Variants in ZBTB49 observed in about 807,000 individuals in gnomAD.
ZBTB49 encodes zinc finger and BTB domain containing 49.
A neutral mutation model predicts 57.5 loss-of-function variants in ZBTB49; 43 were observed. The ratio of observed to expected loss-of-function variants is 0.75; its 90% CI spans 0.59 to 0.97. ZBTB49 has a LOEUF of 0.97. Among genes scored for constraint, ZBTB49 ranks in the 50% least tolerant of loss-of-function variants. The pLI, the probability that ZBTB49 is intolerant of heterozygous loss-of-function variation, is 0.00. For synonymous variants in ZBTB49, 369 were observed against 362.1 expected (o/e 1.02, Z -0.22); for missense variants, 938 against 947.7 (o/e 0.99, Z 0.13).
At chr4:4,314,436 A>C (rs189478719) in intron 5 of ZBTB49, among the ~76,000 whole-genome samples, 347 of 152,316 alleles carry the variant, frequency 2.3e-3, no homozygotes, top group African/African-American at 8.2e-3. Flanking sequence ...AAGTGGCTGA[A>C]TCTCGGCTCA....
At chr4:4,310,592 C>G (rs888756289) in intron 4 of ZBTB49, among the ~76,000 whole-genome samples, 1 of 150,460 alleles carries the variant, frequency 6.6e-6, no homozygotes, top group Non-Finnish European at 1.5e-5. Context: ...TCACTGCAAG[C>G]TCCACCTCCT....
intron 1 of ZBTB49, among the ~76,000 whole-genome samples, chr4:4,295,822 A>C (rs941126931): frequency 1.3e-5 from 2 of 152,200 alleles, no homozygotes; most frequent in Non-Finnish European, 2.9e-5. Context: ...CTTTCCATAA[A>C]GAGATGAGGG....
chr4:4,300,893 G>A (rs1239093670), intron 2 of ZBTB49, among the ~76,000 whole-genome samples: 1 of 149,178 alleles, frequency 6.7e-6, no homozygotes, highest in African/African-American at 2.5e-5. Context: ...AGTACTTTTT[G>A]TTTCCAAAAT....
Position 4,302,263 on chromosome 4 carries a change from G to C in ZBTB49, c.427G>C (p.Asp143His). 6.2e-7 allele frequency: 1 copy of C among 1,614,196 alleles called. No homozygotes were observed. The highest frequency in any genetic ancestry group is 8.5e-7 in the Non-Finnish European group (1 of 1,180,016). Reference sequence around the variant, plus strand: ...GTCTCTACAAAGCACCCTGACCCCAGATGCCACTTGTGTTATCAGTGAAAA... The same window carrying C: ...GTCTCTACAAAGCACCCTGACCCCACATGCCACTTGTGTTATCAGTGAAAA... The part of the protein sequence containing the change: ...TLSLQSTLTP[D>H]ATCVISENYP... Residue 143 changes from aspartate to histidine, a missense_variant, in exon 3 of 8, where the codon GAT becomes CAT. By Grantham distance (81) the Asp-to-His change is moderately conservative (BLOSUM62 -1). This residue lies in a region of ZBTB49 where 835 missense variants were observed against 819.1 expected (regional missense o/e 1.02). Coordinates refer to ENST00000337872, the MANE Select transcript of ZBTB49 (RefSeq NM_145291.4).
chr4:4,302,452 C>T lies in ZBTB49; in HGVS notation c.616C>T (p.Pro206Ser). Residue 206 changes from proline (P) to serine (S), a missense_variant, in exon 3 of 8, where the codon CCT (proline) becomes TCT (serine). By Grantham distance (74) the Pro-to-Ser change is moderately conservative. This residue lies in a region of ZBTB49 where 835 missense variants were observed against 819.1 expected (regional missense o/e 1.02). Coordinates refer to ENST00000337872, the MANE Select transcript of ZBTB49 (RefSeq NM_145291.4). ...DTSDGSCTEL[P>S]FKQPNYYYKL... ...TTCAGATGGCAGCTGCACAGAACTG[C>T]CTTTCAAACAGCCAAATTACTATTA... The T allele has an allele frequency of 6.2e-7, 1 of 1,614,206 alleles. No individual in the cohort carries two copies.
intron 2 of ZBTB49, 146 bp downstream of exon 2, chr4:4,300,243 T>A (rs1720417090): frequency 6.8e-6 from 6 of 888,298 alleles, no homozygotes; most frequent in Non-Finnish European, 9.5e-6. Context: ...TTTTAATTTT[T>A]AAGTTTGTTA....
In ZBTB49 at chr4:4,303,025, TG is replaced by T. The variant is rs747485254; in HGVS notation, c.1190del (p.Cys397LeufsTer98). On this transcript the variant is annotated frameshift_variant, in exon 3 of 8. Transcript: ENST00000337872. LOFTEE classifies it high-confidence loss of function. ...QTLQSQRQYACELCGKPFKHP... is the reference protein window; with the variant it reads ...QTLQSQRQYAXELCGKPFKHP... ...ACTTCAGTCCCAGAGACAATACGCG[TG>T]TGAATTATGCGGGAAACCTTTTAAA... The T allele has an allele frequency of 1.9e-5, 30 of 1,613,842 alleles. No homozygotes were observed. Among genetic ancestry groups the T allele is most frequent in the Non-Finnish European group, 2.5e-5 (30 of 1,179,936 alleles).
At chr4:4,318,068 C>T (rs921487706) in intron 7 of ZBTB49, among the ~76,000 whole-genome samples, 8 of 152,070 alleles carry the variant, frequency 5.3e-5, no homozygotes, top group Admixed American at 2.0e-4. Context: ...GGCGCCCACC[C>T]GCCTGTCCCC....
At chr4:4,301,887 CAGA>C (rs1413286630) in intron 2 of ZBTB49, 99 bp from the exon 3 acceptor site, 3 of 1,172,948 alleles carry the variant, frequency 2.6e-6, no homozygotes, top group Non-Finnish European at 3.3e-6. Context: ...TTGACATTCA[CAGA>C]AGGATAGTAT....
intron 2 of ZBTB49, among the ~76,000 whole-genome samples, chr4:4,300,926 T>C (rs996677171): frequency 1.3e-5 from 2 of 152,208 alleles, no homozygotes; most frequent in African/African-American, 4.8e-5. Flanking sequence ...ACTGCTCTAG[T>C]AGACAACGTG....
At chr4:4,307,521 T>C (rs1329756613) in intron 4 of ZBTB49, among the ~76,000 whole-genome samples, 2 of 152,078 alleles carry the variant, frequency 1.3e-5, no homozygotes, top group African/African-American at 2.4e-5. Flanking sequence ...CCTCATAGAG[T>C]GTGAGGAGTA....
chr4:4,307,374 C>G (rs1052200623), intron 4 of ZBTB49, among the ~76,000 whole-genome samples: 17 of 152,218 alleles, frequency 1.1e-4, no homozygotes, highest in African/African-American at 4.1e-4. Flanking sequence ...GGGTTCAGAG[C>G]TTGGCCTCTG....
rs188247296 is a variant in ZBTB49 at position 4,294,548 on chromosome 4, T to G, written c.-20+4196T>G. 7.6e-3 allele frequency among the ~76,000 whole-genome samples: 1,161 copies of G among 152,148 alleles called. 11 individuals carry two copies. The highest frequency in any genetic ancestry group is 0.01 in the Non-Finnish European group (700 of 67,974). ...ATTTTTGTATTTTTAGTGGAGATGG[T>G]TTCTTCGTGTTGGCTAGACTGGTCT... is the stretch of plus-strand genomic sequence containing the variant. On this transcript the variant is annotated intron_variant, in intron 1 of 7. Coordinates refer to ENST00000337872, the MANE Select transcript of ZBTB49 (RefSeq NM_145291.4).
At chr4:4,296,411 C>G (rs577182678) in intron 1 of ZBTB49, among the ~76,000 whole-genome samples, 31 of 152,296 alleles carry the variant, frequency 2.0e-4, no homozygotes, top group South Asian at 1.5e-3. Flanking sequence ...GGGGGTGGGT[C>G]TTTCCCACGC....
chr4:4,314,028 A>G (rs16835568), intron 5 of ZBTB49, among the ~76,000 whole-genome samples: 2,137 of 152,342 alleles, frequency 0.014, 40 homozygotes, highest in African/African-American at 0.048. Flanking sequence ...GTCAGTTAGA[A>G]GTCAGTGTCC....
At chr4:4,292,191 G>C in intron 1 of ZBTB49, among the ~76,000 whole-genome samples, 1 of 152,160 alleles carries the variant, frequency 6.6e-6, no homozygotes, top group Non-Finnish European at 1.5e-5. Flanking sequence ...TGAGGCAGAA[G>C]AATCGCTTGA....
At chr4:4,298,306 G>C (rs563506534) in intron 1 of ZBTB49, among the ~76,000 whole-genome samples, 5 of 152,236 alleles carry the variant, frequency 3.3e-5, no homozygotes, top group Non-Finnish European at 5.9e-5. Context: ...AGAAGTAAGG[G>C]GTGTGTTGAA....
chr4:4,297,361 C>T (rs6848777), intron 1 of ZBTB49, among the ~76,000 whole-genome samples: 10,472 of 152,232 alleles, frequency 0.069, 930 homozygotes, highest in East Asian at 0.32. Flanking sequence ...TGAGCCACTG[C>T]GCCCGACTGG....
intron 1 of ZBTB49, among the ~76,000 whole-genome samples, chr4:4,291,801 C>G (rs1719940110): frequency 6.6e-6 from 1 of 152,216 alleles, no homozygotes; most frequent in Non-Finnish European, 1.5e-5. Flanking sequence ...CCCTGACCCT[C>G]CCTCCCAAAT....
Sources: gnomAD v4.1 joint callset for allele counts (sites outside exome capture counted in the v4.1 genomes callset) on GRCh38, gnomAD v4.1.1 for gene constraint, gnomAD v4.1.1 regional missense constraint, MANE v1.5 for transcripts, NCBI Gene and HGNC (gene_info 2026-07-23, HGNC 2026-07-21) for gene names.